PHF24: variants seen among roughly 807,000 people sequenced by gnomAD.
The protein encoded by PHF24 is PHD finger protein 24.
In PHF24, 25 loss-of-function variants were observed where a neutral mutation model predicts 42.6. The observed-to-expected ratio is 0.59, with a 90% confidence interval of 0.43 to 0.82. The LOEUF (loss-of-function observed/expected upper bound fraction) is 0.82. Among genes scored for constraint, PHF24 ranks in the 40% least tolerant of loss-of-function variants. The probability of loss-of-function intolerance (pLI) is 0.00; values close to 1 mark genes in which losing one functional copy is unlikely to be tolerated. For missense variants in PHF24, 470 were observed against 538.1 expected (o/e 0.87, Z 1.25); for synonymous variants, 185 against 204.8 (o/e 0.90, Z 0.83).
At chr9:34,890,434 A>G in the PHF24 span, among the ~76,000 whole-genome samples, 1 of 152,204 alleles carries the variant, frequency 6.6e-6, no homozygotes, top group Non-Finnish European at 1.5e-5. Context: ...CCAGCTGAAC[A>G]CAAAGTACCT....
chr9:34,683,340 C>T, the PHF24 span, among the ~76,000 whole-genome samples: 2 of 152,242 alleles, frequency 1.3e-5, no homozygotes, highest in African/African-American at 2.4e-5. Context: ...GGATTAAAGG[C>T]GTGAGCCACC....
the PHF24 span, among the ~76,000 whole-genome samples, chr9:34,823,344 C>T: frequency 6.6e-6 from 1 of 151,792 alleles, no homozygotes; most frequent in Non-Finnish European, 1.5e-5. Context: ...GGCTGTGCTT[C>T]TTCCTCTCCT....
At chr9:34,933,206 T>C in the PHF24 span, among the ~76,000 whole-genome samples, 1 of 152,176 alleles carries the variant, frequency 6.6e-6, no homozygotes, top group East Asian at 1.9e-4. Flanking sequence ...TAAATATTGC[T>C]GAACAAGTGA....
chr9:34,909,203 ACT>A, the PHF24 span, among the ~76,000 whole-genome samples: 3 of 151,962 alleles, frequency 2.0e-5, no homozygotes, highest in African/African-American at 7.2e-5. Flanking sequence ...CTGGCCTCGA[ACT>A]CTCAGGCTCA....
chr9:34,790,519 G>A, the PHF24 span, among the ~76,000 whole-genome samples: 5 of 152,184 alleles, frequency 3.3e-5, no homozygotes, highest in African/African-American at 1.2e-4. Context: ...AAGACACATA[G>A]TAAGAGCTGA....
At chr9:34,817,520 A>G in the PHF24 span, among the ~76,000 whole-genome samples, 3 of 152,118 alleles carry the variant, frequency 2.0e-5, no homozygotes, top group Non-Finnish European at 4.4e-5. Context: ...CCTGGGGACA[A>G]TCTCTTATAT....
At chr9:34,895,825 A>T in the PHF24 span, 1 of 397,638 alleles carries the variant, frequency 2.5e-6, no homozygotes, top group Non-Finnish European at 4.4e-6. Flanking sequence ...CAGAAGAGGG[A>T]TCCAAATCAC....
chr9:34,829,168 GA>G, the PHF24 span, among the ~76,000 whole-genome samples: 11 of 152,008 alleles, frequency 7.2e-5, no homozygotes, highest in East Asian at 1.4e-3. Flanking sequence ...GGACTGTTAG[GA>G]AAAAAAATTC....
chr9:34,929,175 C>T, the PHF24 span, among the ~76,000 whole-genome samples: 350 of 152,360 alleles, frequency 2.3e-3, 5 homozygotes, highest in Admixed American at 0.018. Flanking sequence ...CACCTCCATA[C>T]TCCCACTGTC....
At chr9:34,733,853 G>A in the PHF24 span, among the ~76,000 whole-genome samples, 1 of 152,052 alleles carries the variant, frequency 6.6e-6, no homozygotes, top group Non-Finnish European at 1.5e-5. Flanking sequence ...TCTTCCTGAA[G>A]TTATAAAAAA....
the PHF24 span, chr9:34,922,051 G>T: frequency 2.5e-6 from 2 of 813,066 alleles, no homozygotes; most frequent in Non-Finnish European, 3.9e-6. Flanking sequence ...AACCACGTGG[G>T]AAATATAGAA....
the PHF24 span, chr9:34,724,144 A>G: frequency 6.5e-7 from 1 of 1,548,626 alleles, no homozygotes; most frequent in South Asian, 1.2e-5. Context: ...TGCTCTTGCT[A>G]GGGCTTTGAG....
chr9:34,835,892 A>G, the PHF24 span: 1 of 950,372 alleles, frequency 1.1e-6, no homozygotes, highest in East Asian at 2.6e-5. Context: ...TCTAGGCAAG[A>G]GGAGACCTGT....
chr9:34,901,952 G>A, the PHF24 span, among the ~76,000 whole-genome samples: 1 of 152,100 alleles, frequency 6.6e-6, no homozygotes, highest in Non-Finnish European at 1.5e-5. Context: ...AAACAAGATT[G>A]TTAAAAAATA....
the PHF24 span, among the ~76,000 whole-genome samples, chr9:34,800,865 A>T: frequency 6.6e-6 from 1 of 152,220 alleles, no homozygotes; most frequent in Non-Finnish European, 1.5e-5. Flanking sequence ...AGAAACTAGC[A>T]TCAGAGTGAA....
the PHF24 span, among the ~76,000 whole-genome samples, chr9:34,902,820 G>A: frequency 6.6e-6 from 1 of 152,160 alleles, no homozygotes; most frequent in Non-Finnish European, 1.5e-5. Context: ...TTCTTGGGGA[G>A]GGGAGGTGGT....
At chr9:34,863,566 C>T in the PHF24 span, among the ~76,000 whole-genome samples, 1 of 152,224 alleles carries the variant, frequency 6.6e-6, no homozygotes. Flanking sequence ...TACAGGTCTG[C>T]AAGAAGCACA....
At chr9:34,947,748 A>G in the PHF24 span, among the ~76,000 whole-genome samples, 1 of 152,132 alleles carries the variant, frequency 6.6e-6, no homozygotes, top group East Asian at 1.9e-4. Context: ...GCCTAGGCTA[A>G]TGCGTGCGTG....
the PHF24 span, chr9:34,838,232 G>T: frequency 3.2e-6 from 2 of 625,382 alleles, no homozygotes; most frequent in Admixed American, 5.4e-5. Flanking sequence ...AGTAACTAAA[G>T]GTATGGCATA....
Sources: gnomAD v4.1 joint callset for allele counts (sites outside exome capture counted in the v4.1 genomes callset) on GRCh38, gnomAD v4.1.1 for gene constraint, MANE v1.5 for transcripts, NCBI Gene and HGNC (gene_info 2026-07-23, HGNC 2026-07-21) for gene names.